The following INTS13 variants were observed in gnomAD, a reference collection of about 807,000 sequenced individuals.
INTS13 encodes asunder, spermatogenesis regulator homolog (Drosphila).
Under a neutral mutation model 90.2 loss-of-function variants are expected in INTS13, and 35 were observed. That is an observed-to-expected ratio of 0.39 (90% CI 0.30 to 0.51). The LOEUF (loss-of-function observed/expected upper bound fraction) is 0.51, where lower values mean the gene tolerates loss of function less well. INTS13 is among the 20% of genes least tolerant of loss of function. INTS13 has a pLI of 0.80. For synonymous variants in INTS13, 309 were observed against 277.1 expected, an observed-to-expected ratio of 1.11 and a Z score of -1.14; for missense variants, 601 against 851.2, an observed-to-expected ratio of 0.71 and a Z score of 3.66.
At chr12:26,932,417 T>G (rs1158610224) in intron 3 of INTS13, among the ~76,000 whole-genome samples, 2 of 152,200 alleles carry the variant, frequency 1.3e-5, no homozygotes, top group Non-Finnish European at 2.9e-5. Context: ...AGGAACAACT[T>G]GACTCCCAGA....
chr12:26,931,812 C>T (rs1486911705), intron 3 of INTS13, among the ~76,000 whole-genome samples: 3 of 123,366 alleles, frequency 2.4e-5, no homozygotes, highest in South Asian at 2.2e-4. Context: ...CCGGGCTGTG[C>T]GTGGTGGCTC....
At chr12:26,937,564 T>C (rs1163148554) in intron 1 of INTS13, 1 of 152,238 alleles carries the variant, frequency 6.6e-6, no homozygotes, top group Non-Finnish European at 1.5e-5. Flanking sequence ...AATCTTATAC[T>C]GAATAGACAA....
chr12:26,927,885 G>C (rs1319541508), intron 5 of INTS13, among the ~76,000 whole-genome samples: 1 of 151,870 alleles, frequency 6.6e-6, no homozygotes, highest in Non-Finnish European at 1.5e-5. Context: ...CAAAGTGCTG[G>C]GATAACAGGC....
In INTS13 at chr12:26,916,203, A is replaced by G. The variant is rs201618692; in HGVS notation, c.1070-23T>C. ...GACCTGTCAAAAACAAGATTACACT[A>G]TCAGTAATGAAACTCAAATGGGCTC... is the stretch of plus-strand genomic sequence containing the variant. On this transcript the variant is annotated intron_variant, in intron 10 of 16. Transcript: ENST00000261191. 12 of 1,569,384 alleles carry G rather than the reference A, an allele frequency of 7.6e-6. No homozygotes were observed. In the East Asian group the frequency reaches 2.7e-4, roughly 35 times the overall value.
chr12:26,935,192 A>G (rs1448621837), intron 2 of INTS13, among the ~76,000 whole-genome samples: 1 of 152,250 alleles, frequency 6.6e-6, no homozygotes, highest in Non-Finnish European at 1.5e-5. Context: ...AGGGCACCGA[A>G]AGCCAAAATA....
chr12:26,925,977 C>A, intron 5 of INTS13, 126 bp from the exon 6 acceptor site: 1 of 622,860 alleles, frequency 1.6e-6, no homozygotes, highest in Non-Finnish European at 2.7e-6. Flanking sequence ...TACTGTTAAC[C>A]CAAAAGCTAA....
At chr12:26,909,486 T>G (rs982251022) in intron 15 of INTS13, among the ~76,000 whole-genome samples, 2 of 150,422 alleles carry the variant, frequency 1.3e-5, no homozygotes, top group African/African-American at 4.9e-5. Flanking sequence ...TTTTTTTTTT[T>G]TTTTTTTAGA....
At chr12:26,929,799 GAGAA>G (rs1938092696) in intron 3 of INTS13, among the ~76,000 whole-genome samples, 1 of 151,262 alleles carries the variant, frequency 6.6e-6, no homozygotes, top group Admixed American at 6.6e-5. Context: ...AAGGAAGAAA[GAGAA>G]AGGAAGAAAG....
chr12:26,917,048 C>T (rs1175087592), intron 10 of INTS13, among the ~76,000 whole-genome samples: 1 of 151,928 alleles, frequency 6.6e-6, no homozygotes, highest in African/African-American at 2.4e-5. Flanking sequence ...AATTTAGACT[C>T]TGAAGGTCAA....
At chr12:26,913,414 T>C (rs756139464) in intron 14 of INTS13, 43 bp downstream of exon 14, 1 of 1,455,608 alleles carries the variant, frequency 6.9e-7, no homozygotes, top group South Asian at 1.1e-5. Flanking sequence ...GAATGTGATA[T>C]AACAAAAGGC....
intron 7 of INTS13, 81 bp downstream of exon 7, chr12:26,924,274 T>C: frequency 2.0e-6 from 3 of 1,481,312 alleles, no homozygotes; most frequent in Non-Finnish European, 2.8e-6. Flanking sequence ...ATTACAGGCA[T>C]GAGCTACCAC....
rs779065936 is a variant in INTS13 at position 26,913,442 on chromosome 12, A to G, written c.1805+15T>C. The G allele has an allele frequency of 1.0e-5, 16 of 1,606,808 alleles. No individual in the cohort carries two copies. The highest frequency in any genetic ancestry group is 1.4e-5 in the Non-Finnish European group (16 of 1,173,432). ...CAAAAGGCACCATGGTGCTATATCAATGCCAGGAAGTCACCTCTCTGAGTC... is the reference window on the plus strand; with the variant it reads ...CAAAAGGCACCATGGTGCTATATCAGTGCCAGGAAGTCACCTCTCTGAGTC... On this transcript the variant is annotated intron_variant, in intron 14 of 16. Coordinates refer to ENST00000261191, the MANE Select transcript of INTS13 (RefSeq NM_018164.3).
chr12:26,937,358 A>G lies in INTS13; in HGVS notation c.-12+438T>C, dbSNP rs558201807. Among the ~76,000 whole-genome samples the G allele has an allele frequency of 3.2e-4, 49 of 152,326 alleles. 1 individual carries two copies. Among genetic ancestry groups the G allele is most frequent in the Admixed American group, 2.3e-3 (35 of 15,312 alleles). On this transcript the variant is annotated intron_variant, in intron 1 of 16. Coordinates refer to ENST00000261191, the MANE Select transcript of INTS13 (RefSeq NM_018164.3). ...TAAACATCTCCTAAGATAACCGCAC[A>G]TCAGGTCTTCGCCTTAGGATAAGGA...
At chr12:26,911,134 C>G in intron 15 of INTS13, 44 bp downstream of exon 15, 1 of 1,580,380 alleles carries the variant, frequency 6.3e-7, no homozygotes, top group Non-Finnish European at 8.6e-7. Flanking sequence ...CACACCCGGC[C>G]TGGAAAACTT....
chr12:26,907,335 A>G (rs1301381738), intron 15 of INTS13, among the ~76,000 whole-genome samples: 1 of 152,234 alleles, frequency 6.6e-6, no homozygotes, highest in Non-Finnish European at 1.5e-5. Context: ...ATTTCTGATA[A>G]ATGTACAATA....
At position 26,926,007 on chromosome 12, in the gene INTS13, T is replaced by C. The variant is rs577419681; in HGVS notation, c.585-156A>G. ...AGCTAAATATTAGAAAGGCAGTATA[T>C]GTAATTGCTATACCTGTATGAACAC... On this transcript the variant is annotated intron_variant, in intron 5 of 16. Coordinates refer to ENST00000261191, the MANE Select transcript of INTS13 (RefSeq NM_018164.3). 5.7e-4 allele frequency among the ~76,000 whole-genome samples: 87 copies of C among 152,354 alleles called. 1 individual carries two copies. Among genetic ancestry groups the C allele is most frequent in the African/African-American group, 2.0e-3 (83 of 41,584 alleles).
chr12:26,913,389 A>G (rs985055126), intron 14 of INTS13, 68 bp downstream of exon 14: 35 of 1,133,436 alleles, frequency 3.1e-5, no homozygotes, highest in Non-Finnish European at 4.4e-5. Flanking sequence ...TGAATGTATG[A>G]AAGTGTTCTA....
Position 26,926,130 on chromosome 12 carries a change from T to C in INTS13, c.585-279A>G, listed in dbSNP as rs116392444. Among the ~76,000 whole-genome samples the C allele has an allele frequency of 3.2e-3, 481 of 152,328 alleles. 5 individuals carry two copies. Among genetic ancestry groups the C allele is most frequent in the African/African-American group, 0.011 (455 of 41,580 alleles). On this transcript the variant is annotated intron_variant, in intron 5 of 16. Transcript: ENST00000261191. ...TCTTATAATTAAGTCTAATTTTCAA[T>C]AGATAACTGCAACAGCGAAAATGAA...
At chr12:26,936,376 A>G (rs374798033) in intron 2 of INTS13, among the ~76,000 whole-genome samples, 4 of 152,276 alleles carry the variant, frequency 2.6e-5, no homozygotes, top group Admixed American at 6.5e-5. Context: ...TGGCACATGT[A>G]AAGTGCTCAA....
Sources: gnomAD v4.1 joint callset for allele counts (sites outside exome capture counted in the v4.1 genomes callset) on GRCh38, gnomAD v4.1.1 for gene constraint, MANE v1.5 for transcripts, NCBI Gene and HGNC (gene_info 2026-07-23, HGNC 2026-07-21) for gene names.